The following FBP1 variants were observed in gnomAD, a reference collection of about 807,000 sequenced individuals.
FBP1 encodes fructose-bisphosphatase 1, also known as fructose-1,6-bisphosphatase 1.
In FBP1, 22 loss-of-function variants were observed where a neutral mutation model predicts 29.9. The observed-to-expected ratio is 0.74, with a 90% CI of 0.53 to 1.05. FBP1 has a LOEUF of 1.05. FBP1 is among the 50% of genes least tolerant of loss of function. FBP1 has a pLI of 0.00. For missense variants in FBP1, 345 were observed against 448.2 expected (o/e 0.77, Z 2.08); for synonymous variants, 175 against 178.6 (o/e 0.98, Z 0.16).
At chr9:94,610,175 C>T in intron 3 of FBP1, 114 bp from the exon 4 acceptor site, 1 of 1,071,370 alleles carries the variant, frequency 9.3e-7, no homozygotes. Context: ...AATAGGGCAT[C>T]TTCCCAGAGG....
At chr9:94,633,302 T>A (rs957740277) in intron 1 of FBP1, among the ~76,000 whole-genome samples, 2 of 152,074 alleles carry the variant, frequency 1.3e-5, no homozygotes, top group Non-Finnish European at 2.9e-5. Context: ...CCACTGGTTT[T>A]CCCATATCCT....
chr9:94,606,071 T>C (rs1267485947), intron 5 of FBP1, among the ~76,000 whole-genome samples: 1 of 151,894 alleles, frequency 6.6e-6, no homozygotes, highest in Admixed American at 6.6e-5. Context: ...GAATCCAGGA[T>C]AAGGTGAAAG....
chr9:94,628,060 G>A (rs1173229330), intron 1 of FBP1, among the ~76,000 whole-genome samples: 1 of 152,216 alleles, frequency 6.6e-6, no homozygotes, highest in Non-Finnish European at 1.5e-5. Context: ...CCAGTGACTT[G>A]ATCTGCCAAG....
intron 1 of FBP1, among the ~76,000 whole-genome samples, chr9:94,632,666 C>CT (rs1334484859): frequency 6.6e-6 from 1 of 152,170 alleles, no homozygotes; most frequent in Non-Finnish European, 1.5e-5. Flanking sequence ...GAGCTAGACT[C>CT]TGTCTGAAAA....
At position 94,634,293 on chromosome 9, in the gene FBP1, CA is replaced by C. The variant is rs1480502775; in HGVS notation, c.170+4847del. ...AGGGCAACAGAGCGAGACTCTGCCT[CA>C]AAAAAAAAAAAAAGAAAGAAAAAGA... On this transcript the variant is annotated intron_variant, in intron 1 of 6. Coordinates refer to ENST00000375326, the MANE Select transcript of FBP1 (RefSeq NM_000507.4). Among the ~76,000 whole-genome samples the C allele has an allele frequency of 6.1e-3, 545 of 89,802 alleles. 2 individuals carry two copies. The highest frequency in any genetic ancestry group is 0.014 in the African/African-American group (335 of 24,040). The allele number at this position is 89,802 out of a possible 152,430, so 58.9% of individuals were successfully genotyped here.
intron 6 of FBP1, chr9:94,604,124 A>G (rs1827656068): frequency 6.1e-6 from 1 of 164,294 alleles, no homozygotes; most frequent in Non-Finnish European, 1.4e-5. Flanking sequence ...TCACCTTTAA[A>G]TATTAACTTT....
intron 4 of FBP1, among the ~76,000 whole-genome samples, chr9:94,607,404 C>T (rs1827717764): frequency 6.6e-6 from 1 of 152,156 alleles, no homozygotes; most frequent in Admixed American, 6.5e-5. Context: ...TGAGTTACAC[C>T]CAAGTGCTCA....
chr9:94,603,703 G>A lies in FBP1; in HGVS notation c.826-131C>T, dbSNP rs3780554. ...AACGAATACTGTATTTTTCCTTCCT[G>A]TGAGGCTGTAAAAGTTTCCTCCCAC... On this transcript the variant is annotated intron_variant, in intron 6 of 6. Coordinates refer to ENST00000375326, the MANE Select transcript of FBP1 (RefSeq NM_000507.4). The A allele has an allele frequency of 0.41, 351,917 of 850,840 alleles. 75,346 individuals carry two copies. Among genetic ancestry groups the A allele is most frequent in the Admixed American group, 0.5 (25,349 of 50,278 alleles). 52.7% of individuals were successfully genotyped at this position (850,840 alleles called of 1,614,324 possible). A position where few individuals can be genotyped will look rare whatever the true frequency, so the allele number is the denominator to read the frequency against.
At chr9:94,609,203 A>AAAAG (rs1827745617) in intron 4 of FBP1, among the ~76,000 whole-genome samples, 1 of 139,052 alleles carries the variant, frequency 7.2e-6, no homozygotes. Flanking sequence ...AAAAAAAAAA[A>AAAAG]AAAGAAAGAA....
intron 1 of FBP1, among the ~76,000 whole-genome samples, chr9:94,625,476 A>G (rs1277692255): frequency 2.0e-5 from 3 of 152,072 alleles, no homozygotes; most frequent in Non-Finnish European, 4.4e-5. Context: ...GCATCCACCA[A>G]GCCATGCAGG....
rs1388609291 is a variant in FBP1 at position 94,605,555 on chromosome 9, C to T, written c.727G>A (p.Ala243Thr). Reference sequence around the variant, plus strand: ...GCCACCATGGAGCCCACATACCGGGCCCCATAAGGAGCTGAATTATCCTGC... The same window carrying T: ...GCCACCATGGAGCCCACATACCGGGTCCCATAAGGAGCTGAATTATCCTGC... The part of the protein sequence containing the change: ...FPPDNSAPYG[A>T]RYVGSMVADV... Residue 243 changes from alanine (A) to threonine (T), a missense_variant, in exon 6 of 7, where the codon GCC becomes ACC. Ala to Thr is a moderately conservative substitution (Grantham distance 58, BLOSUM62 0). Coordinates refer to ENST00000375326, the MANE Select transcript of FBP1 (RefSeq NM_000507.4). 3 of 1,613,718 alleles carry T rather than the reference C, an allele frequency of 1.9e-6. No homozygotes were observed. The highest frequency in any genetic ancestry group is 2.5e-6 in the Non-Finnish European group (3 of 1,179,864).
At chr9:94,627,707 C>A (rs367945133) in intron 1 of FBP1, among the ~76,000 whole-genome samples, 3 of 152,190 alleles carry the variant, frequency 2.0e-5, no homozygotes, top group African/African-American at 7.2e-5. Flanking sequence ...TCGACTGGAG[C>A]CTTGCACACA....
intron 1 of FBP1, among the ~76,000 whole-genome samples, chr9:94,633,215 T>C (rs1316499748): frequency 6.6e-6 from 1 of 152,178 alleles, no homozygotes; most frequent in Non-Finnish European, 1.5e-5. Context: ...TAATCCATGC[T>C]CAGACTTCTT....
Position 94,620,457 on chromosome 9 carries a change from C to T in FBP1, c.205G>A (p.Asp69Asn), listed in dbSNP as rs1563984269. The change falls in exon 2 of 7, where the codon GAT becomes AAT. Residue 69 changes from aspartate (D) to asparagine (N), a missense_variant. Asp to Asn is a conservative substitution (Grantham distance 23). Coordinates refer to ENST00000375326, the MANE Select transcript of FBP1 (RefSeq NM_000507.4). ...AGGACGTCCAGCTTCTTAACTTGAT[C>T]ACCTGTCACGTTGGTAGAACCAGCA... ...GIAGSTNVTGDQVKKLDVLSN... is the reference protein window; with the variant it reads ...GIAGSTNVTGNQVKKLDVLSN... 1.2e-6 allele frequency: 2 copies of T among 1,614,190 alleles called. No individual in the cohort carries two copies. Among genetic ancestry groups the T allele is most frequent in the Middle Eastern group, 1.6e-4 (1 of 6,062 alleles).
At chr9:94,623,327 G>T (rs1827975303) in intron 1 of FBP1, among the ~76,000 whole-genome samples, 1 of 152,178 alleles carries the variant, frequency 6.6e-6, no homozygotes, top group Non-Finnish European at 1.5e-5. Flanking sequence ...AAATAGCACC[G>T]ATGGACCAGA....
At chr9:94,617,580 C>A (rs899475503) in intron 3 of FBP1, among the ~76,000 whole-genome samples, 188 bp downstream of exon 3, 1 of 152,184 alleles carries the variant, frequency 6.6e-6, no homozygotes, top group Admixed American at 6.6e-5. Flanking sequence ...CCTATATTCT[C>A]TTTCAACAAT....
intron 3 of FBP1, among the ~76,000 whole-genome samples, chr9:94,614,699 G>A (rs964355572): frequency 6.6e-6 from 1 of 152,106 alleles, no homozygotes; most frequent in African/African-American, 2.4e-5. Context: ...CCCACTGGGC[G>A]TGGGCACCAT....
chr9:94,621,128 GGC>G, intron 1 of FBP1, among the ~76,000 whole-genome samples: 8 of 147,430 alleles, frequency 5.4e-5, no homozygotes, highest in South Asian at 4.2e-4. Context: ...GCAGGAGAAT[GGC>G]GTGAACCCAG....
chr9:94,611,280 C>T (rs1827782768), intron 3 of FBP1, among the ~76,000 whole-genome samples: 1 of 152,174 alleles, frequency 6.6e-6, no homozygotes, highest in Non-Finnish European at 1.5e-5. Context: ...TGCAATTTCT[C>T]GAACTTCACT....
Sources: allele counts gnomAD v4.1 joint callset (sites outside exome capture counted in the v4.1 genomes callset), GRCh38; gene constraint gnomAD v4.1.1; transcripts MANE v1.5; gene names NCBI Gene and HGNC (gene_info 2026-07-23, HGNC 2026-07-21).